Variants in MTHFD1L observed in about 807,000 individuals in gnomAD.
MTHFD1L encodes methylenetetrahydrofolate dehydrogenase (NADP+ dependent) 1 like, also known as monofunctional C1-tetrahydrofolate synthase, mitochondrial.
MTHFD1L carries 81 observed loss-of-function variants against 119.5 expected under a neutral mutation model. The observed-to-expected ratio is 0.68, with a 90% confidence interval of 0.57 to 0.82. The LOEUF is 0.82. MTHFD1L is among the 40% of genes least tolerant of loss of function. The pLI, the probability that MTHFD1L is intolerant of heterozygous loss-of-function variation, is 0.00. For missense variants in MTHFD1L, 1,125 were observed against 1,253.4 expected, an observed-to-expected ratio of 0.90 and a Z score of 1.55; for synonymous variants, 430 against 475.2, an observed-to-expected ratio of 0.90 and a Z score of 1.24.
At chr6:150,894,210 T>C (rs752293329) in intron 7 of MTHFD1L, among the ~76,000 whole-genome samples, 2 of 152,152 alleles carry the variant, frequency 1.3e-5, no homozygotes, top group Non-Finnish European at 2.9e-5. Flanking sequence ...CACTGCAACC[T>C]GGAGTGCAGG....
intron 20 of MTHFD1L, chr6:150,984,935 C>T (rs1461726508): frequency 1.3e-5 from 2 of 152,140 alleles, no homozygotes; most frequent in African/African-American, 4.8e-5. Flanking sequence ...GTTTCAGGCT[C>T]CAATTGCCTG....
chr6:151,029,836 A>G (rs1441127307), intron 24 of MTHFD1L, among the ~76,000 whole-genome samples: 2 of 152,226 alleles, frequency 1.3e-5, no homozygotes, highest in East Asian at 1.9e-4. Context: ...ATCCACTCGC[A>G]TCAATTTATT....
chr6:150,913,104 C>T (rs942553252), intron 8 of MTHFD1L, among the ~76,000 whole-genome samples: 2 of 152,036 alleles, frequency 1.3e-5, no homozygotes, highest in African/African-American at 4.8e-5. Context: ...TGAGCTCAAG[C>T]GATCCTCCTG....
Position 150,905,685 on chromosome 6 carries a change from T to G in MTHFD1L, c.816T>G (p.Pro272=), listed in dbSNP as rs147477487. 9 of 1,614,044 alleles carry G rather than the reference T, an allele frequency of 5.6e-6. No homozygotes were observed. Among genetic ancestry groups the G allele is most frequent in the Non-Finnish European group, 7.6e-6 (9 of 1,179,998 alleles). Residue 272 remains proline, a synonymous_variant, in exon 8 of 28, where the codon CCT becomes CCG. Coordinates refer to ENST00000367321, the MANE Select transcript of MTHFD1L (RefSeq NM_015440.5). ...HEADIVVLGS[P]KPEEIPLTWI... is the part of the protein sequence containing the mutation. ...CTGACATTGTGGTCCTAGGCTCACC[T>G]AAGCCAGAAGAGATTCCCCTTACTT...
chr6:150,983,073 A>G lies in MTHFD1L; in HGVS notation c.2125+11015A>G, dbSNP rs573862259. ...GTTCATTATAGTTGTGAGATTTAGC[A>G]TCTTTATGGCTGTTTCTGGGCATTT... is the stretch of plus-strand genomic sequence containing the variant. On this transcript the variant is annotated intron_variant, in intron 20 of 27. Transcript: ENST00000367321. 7.2e-5 allele frequency among the ~76,000 whole-genome samples: 11 copies of G among 152,290 alleles called. No homozygotes were observed. In the South Asian group the frequency reaches 1.9e-3, roughly 26 times the overall value.
rs1782585864 is a variant in MTHFD1L, at chr6:150,887,934, T to A, written c.733T>A (p.Ser245Thr). 6.2e-7 allele frequency: 1 copy of A among 1,609,450 alleles called. No homozygotes were observed. The highest frequency in any genetic ancestry group is 8.5e-7 in the Non-Finnish European group (1 of 1,178,290). The change falls in exon 7 of 28, where the codon TCC becomes ACC. Residue 245 changes from serine to threonine, a missense_variant. Ser to Thr is a moderately conservative substitution (Grantham distance 58). Around this residue, in one of 3 missense-constraint regions of MTHFD1L, gnomAD observed 1,058 missense variants for 1,151.2 expected, o/e 0.92. Coordinates refer to ENST00000367321, the MANE Select transcript of MTHFD1L (RefSeq NM_015440.5). Reference protein sequence around the residue: ...ALQCLFQRKGSMTMSIQWKTR... With the variant: ...ALQCLFQRKGTMTMSIQWKTR... ...ACAATGCCTGTTCCAGAGAAAAGGG[T>A]CCATGACAATGAGCATCCAGTGGAA...
At chr6:150,901,117 G>A (rs982020127) in intron 7 of MTHFD1L, among the ~76,000 whole-genome samples, 2 of 152,062 alleles carry the variant, frequency 1.3e-5, no homozygotes, top group Non-Finnish European at 2.9e-5. Flanking sequence ...TAGAAACTTT[G>A]CCACAAGGTA....
At chr6:150,932,843 G>GAAGGAAGGAAGGAAGGAA (rs1432193734) in intron 11 of MTHFD1L, among the ~76,000 whole-genome samples, 1 of 141,786 alleles carries the variant, frequency 7.1e-6, no homozygotes, top group African/African-American at 2.8e-5. Context: ...AGGAAGGAAG[G>GAAGGAAGGAAGGAAGGAA]GAGAGAGAGT....
intron 26 of MTHFD1L, among the ~76,000 whole-genome samples, chr6:151,072,101 G>T (rs4310071): frequency 0.72 from 109,293 of 151,856 alleles, 41,851 homozygotes; most frequent in East Asian, 0.91. Context: ...AGTGCTGAGA[G>T]TACAGGCGTG....
chr6:150,889,889 G>A (rs961336299), intron 7 of MTHFD1L, among the ~76,000 whole-genome samples: 2 of 152,152 alleles, frequency 1.3e-5, no homozygotes, highest in Non-Finnish European at 2.9e-5. Context: ...AGGCATGATA[G>A]CTCACCCCTG....
At chr6:150,866,287 G>T (rs977305382) in intron 1 of MTHFD1L, 2 of 1,471,246 alleles carry the variant, frequency 1.4e-6, no homozygotes, top group South Asian at 2.6e-5. Flanking sequence ...GTGGGCGTGG[G>T]CATCTCCAAT....
chr6:150,956,741 T>C (rs2128989849), intron 17 of MTHFD1L, among the ~76,000 whole-genome samples: 1 of 152,324 alleles, frequency 6.6e-6, no homozygotes, highest in African/African-American at 2.4e-5. Context: ...ATTTCTGTCC[T>C]TTATGTTAAG....
intron 24 of MTHFD1L, among the ~76,000 whole-genome samples, chr6:151,024,740 A>G (rs1277945184): frequency 6.6e-6 from 1 of 152,158 alleles, no homozygotes; most frequent in Non-Finnish European, 1.5e-5. Flanking sequence ...AAGGCCCAAG[A>G]ATCACTTGAA....
intron 17 of MTHFD1L, 120 bp downstream of exon 17, chr6:150,956,191 A>T (rs1342512175): frequency 1.0e-6 from 1 of 982,876 alleles, no homozygotes; most frequent in Non-Finnish European, 1.6e-6. Flanking sequence ...TGGTTCTCTC[A>T]CTGTTTTGGG....
rs532697745 is a variant in MTHFD1L, at chr6:151,041,879, C to T, written c.2847+4762C>T. 761 of 509,350 alleles carry T rather than the reference C, an allele frequency of 1.5e-3. 9 individuals carry two copies. The highest frequency in any genetic ancestry group is 9.6e-3 in the South Asian group (633 of 66,206). The allele number at this position is 509,350 out of a possible 1,614,324, so 31.6% of individuals were successfully genotyped here. A position where few individuals can be genotyped will look rare whatever the true frequency, so the allele number is the denominator to read the frequency against. ...CCAGCATTGCTGGCTTTGGAAGACC[C>T]CATGGTGAGATGCTGGAGCTTTTTT... On this transcript the variant is annotated intron_variant, in intron 26 of 27. Coordinates refer to ENST00000367321, the MANE Select transcript of MTHFD1L (RefSeq NM_015440.5).
chr6:150,997,838 C>G (rs1198618315), intron 20 of MTHFD1L, among the ~76,000 whole-genome samples: 1 of 152,200 alleles, frequency 6.6e-6, no homozygotes, highest in East Asian at 1.9e-4. Context: ...ATGGGAGCTG[C>G]CTCTGCTGTT....
intron 26 of MTHFD1L, chr6:151,088,080 G>C (rs995579305): frequency 1.3e-5 from 2 of 152,204 alleles, no homozygotes; most frequent in Non-Finnish European, 2.9e-5. Context: ...GTATGTCTGG[G>C]GGGGTGACAA....
In MTHFD1L at chr6:151,020,102, G is replaced by T. The variant is rs143817054; in HGVS notation, c.2586+4409G>T. Reference sequence around the variant, plus strand: ...AAACTGGGTTTCTGTGTGCCCCTTGGTGTCTCCCCAGACTTTATATCCCCA... The same window carrying T: ...AAACTGGGTTTCTGTGTGCCCCTTGTTGTCTCCCCAGACTTTATATCCCCA... On this transcript the variant is annotated intron_variant, in intron 24 of 27. Coordinates refer to ENST00000367321, the MANE Select transcript of MTHFD1L (RefSeq NM_015440.5). 3.2e-4 allele frequency among the ~76,000 whole-genome samples: 48 copies of T among 152,260 alleles called. 1 individual carries two copies. In the East Asian group the frequency reaches 9.1e-3, roughly 29 times the overall value.
intron 8 of MTHFD1L, among the ~76,000 whole-genome samples, chr6:150,911,080 T>A (rs1202175710): frequency 6.6e-6 from 1 of 152,224 alleles, no homozygotes; most frequent in Non-Finnish European, 1.5e-5. Flanking sequence ...ATTCTAGATC[T>A]ATCCCTGAAG....
Sources: gnomAD v4.1 joint callset for allele counts (sites outside exome capture counted in the v4.1 genomes callset) on GRCh38, gnomAD v4.1.1 for gene constraint, gnomAD v4.1.1 regional missense constraint, MANE v1.5 for transcripts, NCBI Gene and HGNC (gene_info 2026-07-23, HGNC 2026-07-21) for gene names.